Variants in CRYL1 observed in about 807,000 individuals in gnomAD.
CRYL1 encodes the protein crystallin lambda 1, also known as lambda-crystallin homolog.
In CRYL1, 29 loss-of-function variants were observed where a neutral mutation model predicts 36.6. That is an observed-to-expected ratio of 0.79 (90% confidence interval 0.59 to 1.08). CRYL1 has a LOEUF of 1.08. Among genes scored for constraint, CRYL1 ranks in the 50% least tolerant of loss-of-function variants. The probability of loss-of-function intolerance (pLI) is 0.00; values close to 1 mark genes in which losing one functional copy is unlikely to be tolerated. For synonymous variants in CRYL1, 152 were observed against 151.5 expected (o/e 1.00, Z -0.02); for missense variants, 411 against 407.9 (o/e 1.01, Z -0.06).
intron 3 of CRYL1, among the ~76,000 whole-genome samples, chr13:20,457,068 T>C (rs1239473763): frequency 6.6e-6 from 1 of 152,016 alleles, no homozygotes; most frequent in African/African-American, 2.4e-5. Flanking sequence ...AGTCCCAGCT[T>C]GAGAGTCCCA....
chr13:20,458,886 T>C (rs952012107), intron 3 of CRYL1, among the ~76,000 whole-genome samples: 8 of 152,210 alleles, frequency 5.3e-5, no homozygotes, highest in Non-Finnish European at 1.0e-4. Flanking sequence ...TTTCATTCAA[T>C]TGTGCCCTTT....
At position 20,425,565 on chromosome 13, in the gene CRYL1, G is replaced by A. The variant is rs576666300; in HGVS notation, c.633+6537C>T. Among the ~76,000 whole-genome samples the A allele has an allele frequency of 1.1e-4, 17 of 152,302 alleles. No homozygotes were observed. Among genetic ancestry groups the A allele is most frequent in the Admixed American group, 4.6e-4 (7 of 15,292 alleles). On this transcript the variant is annotated intron_variant, in intron 5 of 7. Transcript: ENST00000298248. The surrounding 1 kb of genome is among the most constrained non-coding windows in gnomAD (Gnocchi z 4.4). ...GCACCTTCCTGGGTATTCATGCAGA[G>A]GTGGAGAACTAGACCCATATGAATG... is the stretch of plus-strand genomic sequence containing the variant.
At chr13:20,464,293 T>A (rs7321223) in intron 3 of CRYL1, among the ~76,000 whole-genome samples, 146,130 of 152,160 alleles carry the variant, frequency 0.96, 70,429 homozygotes, top group East Asian at 1. Flanking sequence ...ACTCAGGAGG[T>A]TGAGGCAGGA....
At chr13:20,508,295 G>A (rs1269200555) in intron 2 of CRYL1, among the ~76,000 whole-genome samples, 1 of 152,170 alleles carries the variant, frequency 6.6e-6, no homozygotes, top group African/African-American at 2.4e-5. Flanking sequence ...AAGGACAGAA[G>A]GAGAAGCATT....
chr13:20,524,287 A>G (rs900566762), intron 1 of CRYL1, among the ~76,000 whole-genome samples: 22 of 152,102 alleles, frequency 1.4e-4, no homozygotes, highest in Admixed American at 2.6e-4. Flanking sequence ...GTGTATATAT[A>G]TGTGTGAGTG....
At chr13:20,457,716 A>G (rs71426015) in intron 3 of CRYL1, among the ~76,000 whole-genome samples, 6,976 of 152,308 alleles carry the variant, frequency 0.046, 336 homozygotes, top group Admixed American at 0.16. Flanking sequence ...TGAAATGGGA[A>G]CAACACACCA....
intron 1 of CRYL1, among the ~76,000 whole-genome samples, chr13:20,514,461 T>C (rs1204639366): frequency 6.6e-6 from 1 of 152,102 alleles, no homozygotes; most frequent in Non-Finnish European, 1.5e-5. Context: ...CTCAAAACTG[T>C]TAGGGTCATC....
intron 3 of CRYL1, among the ~76,000 whole-genome samples, chr13:20,459,283 T>A (rs1340014346): frequency 6.7e-6 from 1 of 150,100 alleles, no homozygotes; most frequent in Non-Finnish European, 1.5e-5. Context: ...GTGAAAGCAG[T>A]CTGGAGATTT....
chr13:20,411,776 C>T (rs115784454), intron 6 of CRYL1, among the ~76,000 whole-genome samples: 6 of 152,260 alleles, frequency 3.9e-5, no homozygotes, highest in Admixed American at 1.3e-4. Flanking sequence ...CTAACACACA[C>T]GTGCTGGAGC....
intron 6 of CRYL1, among the ~76,000 whole-genome samples, chr13:20,410,291 C>T (rs947151323): frequency 2.7e-5 from 4 of 149,496 alleles, no homozygotes; most frequent in African/African-American, 9.9e-5. Context: ...AACAAAAAAA[C>T]CCAACACCGC....
At chr13:20,450,993 T>C (rs546327018) in intron 3 of CRYL1, among the ~76,000 whole-genome samples, 1 of 143,910 alleles carries the variant, frequency 6.9e-6, no homozygotes, top group South Asian at 2.1e-4. Flanking sequence ...TTATCACTCA[T>C]AGATGAGAAC....
intron 3 of CRYL1, among the ~76,000 whole-genome samples, chr13:20,451,973 A>G (rs965401429): frequency 1.3e-5 from 2 of 152,156 alleles, no homozygotes; most frequent in African/African-American, 2.4e-5. Flanking sequence ...AGAAAATCAC[A>G]TCATTTACAG....
At chr13:20,420,326 A>G (rs2137374691) in intron 5 of CRYL1, among the ~76,000 whole-genome samples, 1 of 152,286 alleles carries the variant, frequency 6.6e-6, no homozygotes. Flanking sequence ...CAGCTGCCGG[A>G]GGAGAGGCGG....
Position 20,476,733 on chromosome 13 carries a change from C to T in CRYL1, c.276+12637G>A, listed in dbSNP as rs371847243. On this transcript the variant is annotated intron_variant, in intron 3 of 7. Transcript: ENST00000298248. ...GCTTATGCCTCATACCTCTTAAAAA[C>T]GCAGGCTCAGCAGGGCGAGGTAGCT... 5 of 152,354 alleles carry T rather than the reference C, an allele frequency of 3.3e-5. No homozygotes were observed. In the East Asian group the frequency reaches 9.6e-4, roughly 29 times the overall value. 9.4% of individuals were successfully genotyped at this position (152,354 alleles called of 1,614,324 possible). A position where few individuals can be genotyped will look rare whatever the true frequency, so the allele number is the denominator to read the frequency against.
At chr13:20,498,481 G>A (rs559704265) in intron 2 of CRYL1, among the ~76,000 whole-genome samples, 31 of 152,056 alleles carry the variant, frequency 2.0e-4, no homozygotes, top group Non-Finnish European at 3.1e-4. Context: ...CCCGTGTGTC[G>A]GAATAACAGG....
intron 5 of CRYL1, among the ~76,000 whole-genome samples, chr13:20,419,886 C>A (rs962667423): frequency 2.0e-5 from 3 of 152,216 alleles, no homozygotes; most frequent in Non-Finnish European, 4.4e-5. Context: ...ACTGGCTCCA[C>A]GGCAAGGGTG....
At chr13:20,462,180 TAGTGGG>T (rs2032842919) in intron 3 of CRYL1, among the ~76,000 whole-genome samples, 1 of 3,400 alleles carries the variant, frequency 2.9e-4, no homozygotes, top group Non-Finnish European at 7.2e-4. Context: ...CAGGACGACC[TAGTGGG>T]AGGACGACCT....
chr13:20,525,756 G>C lies in CRYL1; in HGVS notation c.39C>G (p.Gly13=). 1 of 1,328,924 alleles carries C rather than the reference G, an allele frequency of 7.5e-7. No homozygotes were observed. The highest frequency in any genetic ancestry group is 3.2e-5 in the Admixed American group (1 of 31,468). The allele number at this position is 1,328,924 out of a possible 1,614,324, so 82.3% of individuals were successfully genotyped here. A position where few individuals can be genotyped will look rare whatever the true frequency, so the allele number is the denominator to read the frequency against. ...SSAAGCVVIV[G]SGVIGRSWAM... is the part of the protein sequence containing the mutation. Reference sequence around the variant, plus strand: ...CAGCGCGGCTCGGAGCCCTTTACCTGCCAACGATCACCACGCAGCCGGCCG... The same window carrying C: ...CAGCGCGGCTCGGAGCCCTTTACCTCCCAACGATCACCACGCAGCCGGCCG... Residue 13 remains glycine, a splice_region_variant and synonymous_variant, in exon 1 of 8, where the codon GGC becomes GGG. Coordinates refer to ENST00000298248, the MANE Select transcript of CRYL1 (RefSeq NM_015974.3). This position sits in a 1 kb window ranked among gnomAD's most constrained non-coding sequence, Gnocchi z 4.3.
At chr13:20,513,041 T>C (rs939641355) in intron 1 of CRYL1, among the ~76,000 whole-genome samples, 1 of 152,202 alleles carries the variant, frequency 6.6e-6, no homozygotes, top group Non-Finnish European at 1.5e-5. Context: ...TAACAAAATA[T>C]CACAGGTACC....
Sources: allele counts gnomAD v4.1 joint callset (sites outside exome capture counted in the v4.1 genomes callset), GRCh38; gene constraint gnomAD v4.1.1; non-coding constraint Gnocchi (gnomAD v3.1); transcripts MANE v1.5; gene names NCBI Gene and HGNC (gene_info 2026-07-23, HGNC 2026-07-21).